Variants in SLC22A2 observed in about 807,000 individuals in gnomAD.
SLC22A2 encodes solute carrier family 22 member 2.
Under a neutral mutation model 60.5 loss-of-function variants are expected in SLC22A2, and 46 were observed. The observed-to-expected ratio is 0.76, with a 90% confidence interval of 0.60 to 0.97. SLC22A2 has a LOEUF of 0.97. Among genes scored for constraint, SLC22A2 ranks in the 50% least tolerant of loss-of-function variants. SLC22A2 has a pLI of 0.00. For synonymous variants in SLC22A2, 303 were observed against 267.0 expected (o/e 1.13, Z -1.31); for missense variants, 701 against 706.6 (o/e 0.99, Z 0.09).
intron 9 of SLC22A2, among the ~76,000 whole-genome samples, chr6:160,235,179 G>A (rs1782891074): frequency 6.6e-6 from 1 of 151,946 alleles, no homozygotes; most frequent in African/African-American, 2.4e-5. Flanking sequence ...AAAATCTAAG[G>A]GTCTGTTCTA....
At chr6:160,247,648 G>T (rs1783116823) in intron 4 of SLC22A2, among the ~76,000 whole-genome samples, 1 of 152,208 alleles carries the variant, frequency 6.6e-6, no homozygotes, top group South Asian at 2.1e-4. Flanking sequence ...AAACCATTGT[G>T]GGGGTGGGGA....
chr6:160,223,407 C>T (rs532976296), intron 10 of SLC22A2, among the ~76,000 whole-genome samples: 1 of 152,248 alleles, frequency 6.6e-6, no homozygotes, highest in South Asian at 2.1e-4. Flanking sequence ...ATATGTCTTT[C>T]ACTATTTTTA....
At chr6:160,245,583 A>T (rs1436881642) in intron 5 of SLC22A2, 38 bp from the exon 6 acceptor site, 1 of 1,310,478 alleles carries the variant, frequency 7.6e-7, no homozygotes, top group Non-Finnish European at 1.1e-6. Context: ...TTGTATATTT[A>T]ATGCTAGTGT....
At position 160,243,619 on chromosome 6, in the gene SLC22A2, T is replaced by C. The variant is rs778092835; in HGVS notation, c.1232A>G (p.Asn411Ser). The change falls in exon 7 of 11, where the codon AAT becomes AGT. Residue 411 changes from asparagine (N) to serine (S), a missense_variant. Transcript: ENST00000366953. ...IGRRYPWAAS[N>S]MVAGAACLAS... ...CAGACAGGCTGCCCCTGCAACCATA[T>C]TTGATGCAGCCCAAGGGTAACGGCG... 6.2e-7 allele frequency: 1 copy of C among 1,614,030 alleles called. No individual in the cohort carries two copies. Among genetic ancestry groups the C allele is most frequent in the South Asian group, 1.1e-5 (1 of 91,080 alleles).
intron 9 of SLC22A2, among the ~76,000 whole-genome samples, chr6:160,237,566 C>A (rs1310982606): frequency 6.6e-6 from 1 of 152,162 alleles, no homozygotes; most frequent in Non-Finnish European, 1.5e-5. Context: ...TCAGAAATAT[C>A]ATCACCCTTA....
intron 2 of SLC22A2, 39 bp downstream of exon 2, chr6:160,256,575 T>A: frequency 7.0e-7 from 1 of 1,432,582 alleles, no homozygotes; most frequent in South Asian, 1.1e-5. Context: ...TCCAAACCTT[T>A]GGGATTGTTT....
chr6:160,245,305 C>T lies in SLC22A2; in HGVS notation c.1064+134G>A. The T allele has an allele frequency of 5.7e-6, 3 of 525,548 alleles. No homozygotes were observed. The South Asian group carries it at 9.6e-5, about 17-fold the overall frequency. 32.6% of individuals were successfully genotyped at this position (525,548 alleles called of 1,614,324 possible). On this transcript the variant is annotated intron_variant, in intron 6 of 10. Transcript: ENST00000366953. ...AGAAAAACACGATCAGGAAAACCTA[C>T]CAGACACAACCCACATTGCTGCCCA...
Position 160,249,384 on chromosome 6 carries a change from A to T in SLC22A2, c.674T>A (p.Ile225Asn). ...ATATCTCCGCCCAACAAATTCTGTA[A>T]CTGCAGAGAGAATTTGAATGGTTAA... is the stretch of plus-strand genomic sequence containing the variant. ...KAGWLIGYIL[I>N]TEFVGRRYRR... The change falls in exon 4 of 11, where the codon ATT (isoleucine) becomes AAT (asparagine). Residue 225 changes from isoleucine to asparagine, a missense_variant and splice_region_variant. Coordinates refer to ENST00000366953, the MANE Select transcript of SLC22A2 (RefSeq NM_003058.4). 5 of 1,612,392 alleles carry T rather than the reference A, an allele frequency of 3.1e-6. No homozygotes were observed. Among genetic ancestry groups the T allele is most frequent in the Non-Finnish European group, 4.2e-6 (5 of 1,178,888 alleles).
At chr6:160,248,225 G>A (rs1224092241) in intron 4 of SLC22A2, among the ~76,000 whole-genome samples, 1 of 152,192 alleles carries the variant, frequency 6.6e-6, no homozygotes, top group South Asian at 2.1e-4. Context: ...CTTACAAGAA[G>A]AGGAAGAGAG....
At chr6:160,246,604 T>G (rs975569258) in intron 5 of SLC22A2, among the ~76,000 whole-genome samples, 2 of 152,032 alleles carry the variant, frequency 1.3e-5, no homozygotes, top group Admixed American at 6.6e-5. Flanking sequence ...AAAATTAGCT[T>G]GGCGTGGTGG....
At chr6:160,245,031 A>G (rs1459073812) in intron 6 of SLC22A2, 1 of 152,946 alleles carries the variant, frequency 6.5e-6, no homozygotes, top group Non-Finnish European at 1.5e-5. Context: ...GTTCTGTACT[A>G]CAATAGAGAT....
intron 9 of SLC22A2, among the ~76,000 whole-genome samples, chr6:160,226,704 A>G (rs1248233650): frequency 6.6e-6 from 1 of 152,200 alleles, no homozygotes; most frequent in Non-Finnish European, 1.5e-5. Context: ...TCTTAAAAAA[A>G]TTTAATTCAG....
intron 2 of SLC22A2, 123 bp downstream of exon 2, chr6:160,256,491 A>T: frequency 1.5e-6 from 1 of 676,598 alleles, no homozygotes; most frequent in Middle Eastern, 2.8e-4. Context: ...CACCAGCATG[A>T]AGGCCAGGAG....
chr6:160,258,702 T>C lies in SLC22A2; in HGVS notation c.56A>G (p.Gln19Arg). 1 of 1,599,944 alleles carries C rather than the reference T, an allele frequency of 6.3e-7. No individual in the cohort carries two copies. The highest frequency in any genetic ancestry group is 8.5e-7 in the Non-Finnish European group (1 of 1,172,576). Residue 19 changes from glutamine (Q) to arginine (R), a missense_variant, in exon 1 of 11, where the codon CAG (glutamine) becomes CGG (arginine). By Grantham distance (43) the Gln-to-Arg change is conservative. Coordinates refer to ENST00000366953, the MANE Select transcript of SLC22A2 (RefSeq NM_003058.4). The part of the protein sequence containing the change: ...LEHGGEFHFF[Q>R]KQMFFLLALL... ...AGCCAAGAGGAAAAACATTTGCTTC[T>C]GGAAAAAGTGAAACTCCCCTCCATG... is the stretch of plus-strand genomic sequence containing the variant.
At chr6:160,233,393 C>T (rs315981) in intron 9 of SLC22A2, among the ~76,000 whole-genome samples, 2 of 151,478 alleles carry the variant, frequency 1.3e-5, no homozygotes, top group African/African-American at 4.9e-5. Flanking sequence ...TTCAGTGGAA[C>T]CTTCATACCC....
At chr6:160,224,862 TAGAG>T in intron 9 of SLC22A2, 58 bp from the exon 10 acceptor site, 1 of 1,012,668 alleles carries the variant, frequency 9.9e-7, no homozygotes. Context: ...GGTCTATAAT[TAGAG>T]TTTCCCTTAT....
chr6:160,228,902 C>T (rs534784570), intron 9 of SLC22A2, among the ~76,000 whole-genome samples: 3 of 151,676 alleles, frequency 2.0e-5, no homozygotes, highest in East Asian at 3.9e-4. Flanking sequence ...TTTTCCATTA[C>T]CTACCCAAAT....
At chr6:160,225,138 C>A (rs976692470) in intron 9 of SLC22A2, among the ~76,000 whole-genome samples, 1 of 152,056 alleles carries the variant, frequency 6.6e-6, no homozygotes, top group Admixed American at 6.6e-5. Context: ...GGACTGTAAC[C>A]CTTCCAGTTT....
At chr6:160,222,619 G>A (rs1782659948) in intron 10 of SLC22A2, among the ~76,000 whole-genome samples, 1 of 152,192 alleles carries the variant, frequency 6.6e-6, no homozygotes, top group South Asian at 2.1e-4. Flanking sequence ...ATGTGTGTGG[G>A]AAGCTGCATG....
Sources: gnomAD v4.1 joint callset for allele counts (sites outside exome capture counted in the v4.1 genomes callset) on GRCh38, gnomAD v4.1.1 for gene constraint, MANE v1.5 for transcripts, NCBI Gene and HGNC (gene_info 2026-07-23, HGNC 2026-07-21) for gene names.